THBS2: variants seen among roughly 807,000 people sequenced by gnomAD.
The protein encoded by THBS2 is thrombospondin-2.
THBS2 carries 47 observed loss-of-function variants against 135.2 expected under a neutral mutation model. The observed-to-expected ratio is 0.35, with a 90% CI of 0.28 to 0.44. THBS2 has a LOEUF of 0.44. Ranked by LOEUF, THBS2 falls within the 20% of genes least tolerant of loss-of-function variation. The probability of loss-of-function intolerance (pLI) is 1.00; values close to 1 mark genes in which losing one functional copy is unlikely to be tolerated. For synonymous variants in THBS2, 639 were observed against 633.8 expected (o/e 1.01, Z -0.12); for missense variants, 1,288 against 1,603.1 (o/e 0.80, Z 3.36).
chr6:169,231,476 G>A (rs1057253514), intron 13 of THBS2, among the ~76,000 whole-genome samples: 3 of 152,174 alleles, frequency 2.0e-5, no homozygotes, highest in Non-Finnish European at 4.4e-5. Flanking sequence ...CGTGGTGTTC[G>A]TTCCAGCGGC....
chr6:169,217,440 G>GC lies in THBS2; in HGVS notation c.*381dup, dbSNP rs1453123476. Reference sequence around the variant, plus strand: ...TTTTCATGCTTAATTTATCATAATGGCTTATGCACAGTATTCCCTTCAACT... The same window carrying GC: ...TTTTCATGCTTAATTTATCATAATGGCCTTATGCACAGTATTCCCTTCAACT... On this transcript the variant is annotated 3_prime_UTR_variant, in exon 22 of 22. Transcript: ENST00000617924. 4 of 218,002 alleles carry GC rather than the reference G, an allele frequency of 1.8e-5. No individual in the cohort carries two copies. Among genetic ancestry groups the GC allele is most frequent in the Non-Finnish European group, 2.7e-5 (3 of 111,798 alleles). The allele number at this position is 218,002 out of a possible 1,614,324, so 13.5% of individuals were successfully genotyped here. A position where few individuals can be genotyped will look rare whatever the true frequency, so the allele number is the denominator to read the frequency against.
Position 169,252,934 on chromosome 6 carries a change from C to T in THBS2, c.-23+790G>A, listed in dbSNP as rs530728690. On this transcript the variant is annotated intron_variant, in intron 1 of 21. Transcript: ENST00000617924. The surrounding 1 kb of genome is among the most constrained non-coding windows in gnomAD (Gnocchi z 4.3). ...TTTACCGGCCGTCCACCACCAACAG[C>T]AGTCTGATTAAACACCAGACTCCTG... is the stretch of plus-strand genomic sequence containing the variant. Among the ~76,000 whole-genome samples, 4 of 152,326 alleles carry T rather than the reference C, an allele frequency of 2.6e-5. No homozygotes were observed. In the South Asian group the frequency reaches 8.3e-4, roughly 32 times the overall value.
At chr6:169,248,211 T>C (rs753192743) in intron 3 of THBS2, among the ~76,000 whole-genome samples, 3 of 152,022 alleles carry the variant, frequency 2.0e-5, no homozygotes, top group Non-Finnish European at 2.9e-5. Context: ...TGTGTGCACA[T>C]GCCTGTGGCT....
chr6:169,235,431 G>A (rs1779998181), intron 9 of THBS2, among the ~76,000 whole-genome samples: 1 of 151,934 alleles, frequency 6.6e-6, no homozygotes, highest in Non-Finnish European at 1.5e-5. Flanking sequence ...TGTCCTCACA[G>A]GCAGTTCCCA....
At chr6:169,219,038 T>G (rs1779313118) in intron 21 of THBS2, among the ~76,000 whole-genome samples, 1 of 141,112 alleles carries the variant, frequency 7.1e-6, no homozygotes, top group African/African-American at 2.7e-5. Context: ...GATGGATGAG[T>G]AGGTGGGTGG....
At chr6:169,244,970 G>A (rs1164861523) in intron 4 of THBS2, among the ~76,000 whole-genome samples, 1 of 152,224 alleles carries the variant, frequency 6.6e-6, no homozygotes, top group Non-Finnish European at 1.5e-5. Flanking sequence ...AGTGGGCTAC[G>A]CACCCCGGTT....
Position 169,232,109 on chromosome 6 carries a change from G to C in THBS2, c.2022C>G (p.Pro674=). 1.2e-6 allele frequency: 2 copies of C among 1,614,106 alleles called. No homozygotes were observed. The highest frequency in any genetic ancestry group is 1.7e-6 in the Non-Finnish European group (2 of 1,179,998). ...ECIYLGHFSD[P]MYKCECQTGY... ...CTGTCTGGCACTCGCACTTGTACAT[G>C]GGGTCGCTGAAGTGGCCCAGGTAGA... The change falls in exon 13 of 22, where the codon CCC becomes CCG. Residue 674 remains proline (P), a synonymous_variant. Transcript: ENST00000617924.
At chr6:169,245,757 A>C (rs910330418) in intron 4 of THBS2, among the ~76,000 whole-genome samples, 2 of 147,576 alleles carry the variant, frequency 1.4e-5, no homozygotes, top group South Asian at 4.3e-4. Context: ...GCACCACTGC[A>C]CTCCAGCCTG....
At chr6:169,237,007 T>C (rs547175731) in intron 9 of THBS2, among the ~76,000 whole-genome samples, 163 bp downstream of exon 9, 1 of 152,362 alleles carries the variant, frequency 6.6e-6, no homozygotes, top group Admixed American at 6.5e-5. Flanking sequence ...GATGGGTTCA[T>C]TACCGAGCCA....
At chr6:169,236,378 T>C (rs1583413939) in intron 9 of THBS2, among the ~76,000 whole-genome samples, 3 of 45,894 alleles carry the variant, frequency 6.5e-5, no homozygotes, top group Admixed American at 3.0e-4. Context: ...CTCACTCCCA[T>C]CCACACTCCC....
chr6:169,236,336 C>T (rs1780066944), intron 9 of THBS2, among the ~76,000 whole-genome samples: 2 of 118,660 alleles, frequency 1.7e-5, no homozygotes, highest in East Asian at 3.4e-4. Context: ...CCCCCATCCA[C>T]ACTCACTCCC....
At chr6:169,246,139 T>G in intron 4 of THBS2, 58 bp downstream of exon 4, 1 of 1,446,430 alleles carries the variant, frequency 6.9e-7, no homozygotes, top group Non-Finnish European at 9.7e-7. Flanking sequence ...ATACACCATG[T>G]CACAATAGAA....
At position 169,226,185 on chromosome 6, in the gene THBS2, C is replaced by T. The variant is rs553268930; in HGVS notation, c.2533G>A (p.Asp845Asn). The change falls in exon 16 of 22, where the codon GAC (aspartate) becomes AAC (asparagine). Residue 845 changes from aspartate to asparagine, a missense_variant. Physicochemically the swap from Asp to Asn is conservative, Grantham distance 23. This residue lies in a region of THBS2 where 874 missense variants were observed against 1,156.1 expected (regional missense o/e 0.76). Transcript: ENST00000617924. ...CDNCPLVHNP[D>N]QTDVDNDLVG... ...CTGTCTGCGGCTGCCCTCACCTGGT[C>T]AGGGTTGTGCACCAGGGGGCAGTTG... The T allele has an allele frequency of 2.5e-6, 4 of 1,612,490 alleles. No homozygotes were observed. In the South Asian group the frequency reaches 4.4e-5, roughly 18 times the overall value.
rs936005289 is a variant in THBS2 at position 169,220,267 on chromosome 6, C to T, written c.3442G>A (p.Gly1148Arg). The T allele has an allele frequency of 3.1e-6, 5 of 1,613,922 alleles. No individual in the cohort carries two copies. The highest frequency in any genetic ancestry group is 4.2e-6 in the Non-Finnish European group (5 of 1,179,948). Residue 1148 changes from glycine to arginine, a missense_variant, in exon 21 of 22, where the codon GGG becomes AGG. Coordinates refer to ENST00000617924, the MANE Select transcript of THBS2 (RefSeq NM_003247.5). ...GAGAAGACAAATAGACCCAGCCGCCCGCCAGCGTAGGTTTGGTCATAGATA... is the reference window on the plus strand; with the variant it reads ...GAGAAGACAAATAGACCCAGCCGCCTGCCAGCGTAGGTTTGGTCATAGATA... ...GPIYDQTYAGGRLGLFVFSQE... is the reference protein window; with the variant it reads ...GPIYDQTYAGRRLGLFVFSQE...
intron 13 of THBS2, among the ~76,000 whole-genome samples, chr6:169,230,077 C>T (rs762577895): frequency 3.3e-5 from 5 of 152,214 alleles, no homozygotes; most frequent in African/African-American, 7.2e-5. Context: ...AGCTTATAAA[C>T]GTTTAACCCT....
intron 2 of THBS2, 123 bp from the exon 3 acceptor site, chr6:169,249,096 A>G (rs1780670889): frequency 1.1e-6 from 1 of 922,814 alleles, no homozygotes; most frequent in East Asian, 2.7e-5. Flanking sequence ...AATATCCCGC[A>G]GCTTCTCTCC....
chr6:169,222,192 C>G lies in THBS2; in HGVS notation c.3273+5G>C. 2 of 1,594,046 alleles carry G rather than the reference C, an allele frequency of 1.3e-6. No homozygotes were observed. The highest frequency in any genetic ancestry group is 1.7e-6 in the Non-Finnish European group (2 of 1,170,344). ...AGATGTGTGGGCCTGGCCAGCCAACCTCACCTGCCCCGGCGTGTTCCCCGT... is the reference window on the plus strand; with the variant it reads ...AGATGTGTGGGCCTGGCCAGCCAACGTCACCTGCCCCGGCGTGTTCCCCGT... On this transcript the variant is annotated splice_donor_5th_base_variant and intron_variant, in intron 19 of 21. Transcript: ENST00000617924.
chr6:169,224,126 C>T (rs925449377), intron 17 of THBS2, among the ~76,000 whole-genome samples: 3 of 100,528 alleles, frequency 3.0e-5, no homozygotes, highest in East Asian at 4.7e-4. Context: ...TTAGCTATCA[C>T]GTGGCCTGCC....
chr6:169,235,845 T>C (rs1306344798), intron 9 of THBS2, among the ~76,000 whole-genome samples: 2 of 70,454 alleles, frequency 2.8e-5, no homozygotes, highest in Non-Finnish European at 5.2e-5. Context: ...TTACTCCCCA[T>C]CCACACTCAC....
Sources: gnomAD v4.1 joint callset for allele counts (sites outside exome capture counted in the v4.1 genomes callset) on GRCh38, gnomAD v4.1.1 for gene constraint, gnomAD v4.1.1 regional missense constraint, Gnocchi (gnomAD v3.1) non-coding constraint, MANE v1.5 for transcripts, NCBI Gene and HGNC (gene_info 2026-07-23, HGNC 2026-07-21) for gene names.